AGFG1: variants seen among roughly 807,000 people sequenced by gnomAD.
The protein encoded by AGFG1 is ArfGAP with FG repeats 1.
A neutral mutation model predicts 60.6 loss-of-function variants in AGFG1; 10 were observed. The ratio of observed to expected loss-of-function variants is 0.16; its 90% CI spans 0.10 to 0.28. The LOEUF (loss-of-function observed/expected upper bound fraction) is 0.28. AGFG1 is among the 10% of genes least tolerant of loss of function. AGFG1 has a pLI of 1.00. For missense variants in AGFG1, 537 were observed against 676.5 expected, an observed-to-expected ratio of 0.79 and a Z score of 2.29; for synonymous variants, 247 against 242.9, an observed-to-expected ratio of 1.02 and a Z score of -0.16.
intron 10 of AGFG1, among the ~76,000 whole-genome samples, chr2:227,537,672 A>G (rs1692352905): frequency 6.6e-6 from 1 of 152,156 alleles, no homozygotes; most frequent in Non-Finnish European, 1.5e-5. Flanking sequence ...CACCAGAGAT[A>G]TTTGCCAGTA....
intron 8 of AGFG1, among the ~76,000 whole-genome samples, chr2:227,535,398 A>T (rs1692277883): frequency 6.6e-6 from 1 of 152,228 alleles, no homozygotes; most frequent in Non-Finnish European, 1.5e-5. Flanking sequence ...AAAGTCCCAT[A>T]TTATAGGCTT....
chr2:227,549,148 C>T (rs1020977691), intron 10 of AGFG1, among the ~76,000 whole-genome samples: 4 of 151,996 alleles, frequency 2.6e-5, no homozygotes, highest in Admixed American at 2.6e-4. Context: ...AGTATAGATA[C>T]TATTGTCTCT....
chr2:227,488,091 A>G (rs1690692482), intron 1 of AGFG1, among the ~76,000 whole-genome samples: 1 of 152,232 alleles, frequency 6.6e-6, no homozygotes, highest in South Asian at 2.1e-4. Flanking sequence ...GTGTACTGAG[A>G]GAGCTCATTT....
At chr2:227,507,944 C>T (rs1381377639) in intron 2 of AGFG1, among the ~76,000 whole-genome samples, 1 of 151,042 alleles carries the variant, frequency 6.6e-6, no homozygotes, top group Non-Finnish European at 1.5e-5. Context: ...GTTTTTGAAA[C>T]CTATTTAAAA....
At chr2:227,539,624 CT>C (rs775999860) in intron 10 of AGFG1, among the ~76,000 whole-genome samples, 1 of 151,126 alleles carries the variant, frequency 6.6e-6, no homozygotes, top group Non-Finnish European at 1.5e-5. Flanking sequence ...ACCTGGAGTC[CT>C]TCCTAGCTAC....
At chr2:227,545,433 A>G (rs1692615073) in intron 10 of AGFG1, among the ~76,000 whole-genome samples, 1 of 152,120 alleles carries the variant, frequency 6.6e-6, no homozygotes, top group Admixed American at 6.5e-5. Context: ...GAAGTTTGTT[A>G]TTACCGATCT....
chr2:227,524,998 T>A (rs1242154627), intron 5 of AGFG1, 83 bp downstream of exon 5: 7 of 1,497,362 alleles, frequency 4.7e-6, no homozygotes, highest in Non-Finnish European at 6.4e-6. Flanking sequence ...ACTTTGAGGA[T>A]CAGTAAACAT....
intron 2 of AGFG1, chr2:227,508,432 C>CA (rs1373678679): frequency 3.8e-6 from 1 of 261,920 alleles, no homozygotes; most frequent in Admixed American, 4.5e-5. Flanking sequence ...TATGACCAAA[C>CA]AAGCTAGCCC....
chr2:227,544,973 T>C (rs952327019), intron 10 of AGFG1, among the ~76,000 whole-genome samples: 2 of 152,184 alleles, frequency 1.3e-5, no homozygotes, highest in Non-Finnish European at 2.9e-5. Context: ...TTTGTGGTGT[T>C]CTCTGTATTT....
intron 2 of AGFG1, among the ~76,000 whole-genome samples, chr2:227,501,273 G>T (rs541166662): frequency 6.6e-6 from 1 of 152,084 alleles, no homozygotes; most frequent in Non-Finnish European, 1.5e-5. Context: ...TAGAGATGGG[G>T]TTTTGCCATG....
chr2:227,472,651 G>A, intron 1 of AGFG1, 63 bp downstream of exon 1: 1 of 1,507,656 alleles, frequency 6.6e-7, no homozygotes, highest in South Asian at 1.2e-5. Context: ...GCGGGCGGCG[G>A]GACCGGGACC....
intron 5 of AGFG1, 116 bp from the exon 6 acceptor site, chr2:227,530,975 A>G (rs1032565033): frequency 7.2e-6 from 7 of 973,164 alleles, no homozygotes; most frequent in African/African-American, 3.4e-5. Flanking sequence ...TGAATTCTCT[A>G]TAAAGTGAGT....
At position 227,553,449 on chromosome 2, in the gene AGFG1, T is replaced by TC. The variant is rs1423026160; in HGVS notation, c.1538-254dup. On this transcript the variant is annotated intron_variant, in intron 11 of 12. Coordinates refer to ENST00000310078, the MANE Select transcript of AGFG1 (RefSeq NM_004504.5). The stretch of plus-strand genomic sequence containing the variant: ...AGGTTGAGGCTGCAGTGAGCCATGA[T>TC]CATGCTACTGGACTCTGGCCTGGGT... 7.2e-3 allele frequency among the ~76,000 whole-genome samples: 1,066 copies of TC among 147,716 alleles called. 17 individuals are homozygous for TC. The highest frequency in any genetic ancestry group is 0.025 in the African/African-American group (1,004 of 40,156).
At position 227,557,555 on chromosome 2, in the gene AGFG1, T is replaced by A. The variant is rs551558285; in HGVS notation, c.*3060T>A. 6.6e-6 allele frequency: 1 copy of A among 151,774 alleles called. No homozygotes were observed. Among genetic ancestry groups the A allele is most frequent in the South Asian group, 2.1e-4 (1 of 4,782 alleles). The allele number at this position is 151,774 out of a possible 1,614,324, so 9.4% of individuals were successfully genotyped here. A position where few individuals can be genotyped will look rare whatever the true frequency, so the allele number is the denominator to read the frequency against. On this transcript the variant is annotated 3_prime_UTR_variant, in exon 13 of 13. Coordinates refer to ENST00000310078, the MANE Select transcript of AGFG1 (RefSeq NM_004504.5). ...TGTAGCTTGTATCTCTGAGAATTTA[T>A]TGTATTAAAATTAATACTGAGATAT...
At chr2:227,484,362 T>G (rs1690556970) in intron 1 of AGFG1, among the ~76,000 whole-genome samples, 1 of 152,086 alleles carries the variant, frequency 6.6e-6, no homozygotes, top group African/African-American at 2.4e-5. Flanking sequence ...ATTTTTCTAT[T>G]TTTAGTAGAG....
chr2:227,552,032 C>A lies in AGFG1; in HGVS notation c.1452C>A (p.Thr484=). The A allele has an allele frequency of 6.2e-7, 1 of 1,614,194 alleles. No homozygotes were observed. The highest frequency in any genetic ancestry group is 8.5e-7 in the Non-Finnish European group (1 of 1,180,040). The part of the protein sequence containing the change: ...FGTPAPYSLP[T]SFSGSFQQPA... ...CTCCTGCTCCCTACAGTCTTCCCAC[C>A]AGCTTTAGTGGCAGCTTTCAGCAGC... Residue 484 remains threonine (T), a synonymous_variant, in exon 11 of 13, where the codon ACC becomes ACA. Coordinates refer to ENST00000310078, the MANE Select transcript of AGFG1 (RefSeq NM_004504.5).
In AGFG1 at chr2:227,559,526, C is replaced by T. The variant is rs1693073977; in HGVS notation, c.*5031C>T. On this transcript the variant is annotated 3_prime_UTR_variant, in exon 13 of 13. Transcript: ENST00000310078. The stretch of plus-strand genomic sequence containing the variant: ...TTTTGACATCTGTGCTTGTCCAACA[C>T]AGGGCTGTAGGGACTGATGAAAAGA... 2 of 152,174 alleles carry T rather than the reference C, an allele frequency of 1.3e-5. No homozygotes were observed. The highest frequency in any genetic ancestry group is 6.5e-5 in the Admixed American group (1 of 15,286). The allele number at this position is 152,174 out of a possible 1,614,324, so 9.4% of individuals were successfully genotyped here.
intron 1 of AGFG1, among the ~76,000 whole-genome samples, chr2:227,478,110 A>G (rs932166600): frequency 6.7e-6 from 1 of 149,722 alleles, no homozygotes; most frequent in Non-Finnish European, 1.5e-5. Context: ...TGGCATGTGC[A>G]TACTACCATG....
intron 10 of AGFG1, among the ~76,000 whole-genome samples, chr2:227,543,702 G>A (rs1381096740): frequency 1.2e-4 from 19 of 152,130 alleles, no homozygotes; most frequent in Admixed American, 1.2e-3. Context: ...CCAAGTCCTG[G>A]ATATCCTTGT....
Sources: allele counts gnomAD v4.1 joint callset (sites outside exome capture counted in the v4.1 genomes callset), GRCh38; gene constraint gnomAD v4.1.1; transcripts MANE v1.5; gene names NCBI Gene and HGNC (gene_info 2026-07-23, HGNC 2026-07-21).